GPC6: variants seen among roughly 807,000 people sequenced by gnomAD.
The protein encoded by GPC6 is glypican 6.
In GPC6, 14 loss-of-function variants were observed where a neutral mutation model predicts 55.2. The observed-to-expected ratio is 0.25, with a 90% CI of 0.17 to 0.40. GPC6 has a LOEUF of 0.40. Ranked by LOEUF, GPC6 falls within the 10% of genes least tolerant of loss-of-function variation. The pLI, the probability that GPC6 is intolerant of heterozygous loss-of-function variation, is 1.00. For missense variants in GPC6, 641 were observed against 708.5 expected (o/e 0.90, Z 1.08); for synonymous variants, 278 against 259.6 (o/e 1.07, Z -0.68).
At chr13:93,554,969 T>C (rs983394895) in intron 2 of GPC6, among the ~76,000 whole-genome samples, 1 of 152,226 alleles carries the variant, frequency 6.6e-6, no homozygotes, top group Non-Finnish European at 1.5e-5. Flanking sequence ...CTTCACACTG[T>C]TTCCTCCCTT....
chr13:93,317,454 C>T (rs569567625), intron 1 of GPC6, among the ~76,000 whole-genome samples: 5 of 152,060 alleles, frequency 3.3e-5, no homozygotes, highest in Admixed American at 1.3e-4. Context: ...GATAACCAGG[C>T]GCCTCTTTGA....
chr13:94,367,335 T>A (rs1347277290), intron 6 of GPC6, among the ~76,000 whole-genome samples: 1 of 152,226 alleles, frequency 6.6e-6, no homozygotes, highest in Non-Finnish European at 1.5e-5. Context: ...ACTTCTTGTG[T>A]TTTTCTTTTC....
chr13:93,931,863 T>C (rs1282711137), intron 3 of GPC6, among the ~76,000 whole-genome samples: 2 of 151,996 alleles, frequency 1.3e-5, no homozygotes, highest in Non-Finnish European at 2.9e-5. Context: ...ATCTTCACTG[T>C]AGCCCTCTGA....
intron 1 of GPC6, among the ~76,000 whole-genome samples, chr13:93,439,688 A>AGATAAGATAAGATAAGATAAG (rs1566358017): frequency 2.3e-5 from 3 of 129,046 alleles, no homozygotes; most frequent in African/African-American, 8.9e-5. Context: ...AAATAAAATA[A>AGATAAGATAAGATAAGATAAG]ATAAAAAAAA....
At chr13:93,494,327 C>T (rs1303759270) in intron 1 of GPC6, among the ~76,000 whole-genome samples, 1 of 139,408 alleles carries the variant, frequency 7.2e-6, no homozygotes, top group African/African-American at 2.7e-5. Context: ...TCTGTTTTAT[C>T]AGAGACTAGG....
chr13:93,597,641 C>T (rs1000593219), intron 2 of GPC6, among the ~76,000 whole-genome samples: 4 of 152,124 alleles, frequency 2.6e-5, no homozygotes, highest in South Asian at 2.1e-4. Flanking sequence ...GCCTCCTCAG[C>T]GTGAAGACCT....
At chr13:93,583,033 C>T (rs1223675032) in intron 2 of GPC6, among the ~76,000 whole-genome samples, 2 of 152,218 alleles carry the variant, frequency 1.3e-5, no homozygotes, top group Non-Finnish European at 1.5e-5. Flanking sequence ...AACACAGTCT[C>T]ACCTTAACAG....
At chr13:93,237,708 A>G (rs1594045586) in intron 1 of GPC6, among the ~76,000 whole-genome samples, 2 of 149,220 alleles carry the variant, frequency 1.3e-5, no homozygotes, top group South Asian at 2.1e-4. Flanking sequence ...AGGTCTTACA[A>G]TTAAGTCTTT....
At chr13:93,240,876 C>T (rs1876404261) in intron 1 of GPC6, among the ~76,000 whole-genome samples, 1 of 152,010 alleles carries the variant, frequency 6.6e-6, no homozygotes, top group Admixed American at 6.6e-5. Context: ...TGGGAGAGAC[C>T]TTATTTCTCC....
At chr13:93,269,320 G>A (rs1325874271) in intron 1 of GPC6, among the ~76,000 whole-genome samples, 1 of 152,098 alleles carries the variant, frequency 6.6e-6, no homozygotes, top group African/African-American at 2.4e-5. Context: ...TAAGACAGAT[G>A]TATAAAGCCT....
At chr13:93,293,798 G>A (rs1454213307) in intron 1 of GPC6, among the ~76,000 whole-genome samples, 1 of 151,796 alleles carries the variant, frequency 6.6e-6, no homozygotes, top group Non-Finnish European at 1.5e-5. Context: ...TTCTGGTGAT[G>A]TATTCATTCA....
intron 8 of GPC6, among the ~76,000 whole-genome samples, chr13:94,400,251 A>AT (rs1029659440): frequency 1.3e-5 from 2 of 152,100 alleles, no homozygotes; most frequent in Admixed American, 1.3e-4. Context: ...TGCTTTGAAC[A>AT]TTTTTTTAAG....
chr13:93,251,360 G>T (rs567343476), intron 1 of GPC6, among the ~76,000 whole-genome samples: 3 of 152,142 alleles, frequency 2.0e-5, no homozygotes, highest in Non-Finnish European at 4.4e-5. Flanking sequence ...TGCCCTTAGA[G>T]GTGGAAACCT....
intron 1 of GPC6, among the ~76,000 whole-genome samples, chr13:93,305,786 TTA>T (rs1232424189): frequency 6.6e-6 from 1 of 152,212 alleles, no homozygotes; most frequent in African/African-American, 2.4e-5. Flanking sequence ...AGATTTGATT[TTA>T]GTTTCCTATT....
At chr13:94,197,527 G>A (rs115053379) in intron 4 of GPC6, among the ~76,000 whole-genome samples, 80 of 152,234 alleles carry the variant, frequency 5.3e-4, no homozygotes, top group African/African-American at 1.9e-3. Flanking sequence ...GTGTCCTCAC[G>A]TGGCAGAGAG....
chr13:94,088,055 A>G (rs1885350797), intron 4 of GPC6, among the ~76,000 whole-genome samples: 1 of 152,196 alleles, frequency 6.6e-6, no homozygotes, highest in Non-Finnish European at 1.5e-5. Flanking sequence ...ACAGATGTTT[A>G]TAAGTTCCTC....
intron 2 of GPC6, among the ~76,000 whole-genome samples, chr13:93,777,652 T>G (rs1402351561): frequency 6.6e-6 from 1 of 152,212 alleles, no homozygotes; most frequent in African/African-American, 2.4e-5. Context: ...AACATTATTT[T>G]ATAGGTTTAC....
At chr13:93,299,348 C>T (rs1878599064) in intron 1 of GPC6, among the ~76,000 whole-genome samples, 1 of 152,158 alleles carries the variant, frequency 6.6e-6, no homozygotes, top group Non-Finnish European at 1.5e-5. Flanking sequence ...TATATTAATT[C>T]AGCCTTCATG....
chr13:93,220,069 C>T, the GPC6 span, among the ~76,000 whole-genome samples: 1 of 152,132 alleles, frequency 6.6e-6, no homozygotes, highest in African/African-American at 2.4e-5. Flanking sequence ...AAAATTTTAT[C>T]AGTGTTTTCC....
Sources: allele counts gnomAD v4.1 joint callset (sites outside exome capture counted in the v4.1 genomes callset), GRCh38; gene constraint gnomAD v4.1.1; transcripts MANE v1.5; gene names NCBI Gene and HGNC (gene_info 2026-07-23, HGNC 2026-07-21).